The following NPLOC4 variants were observed in gnomAD, a reference collection of about 807,000 sequenced individuals.
The protein encoded by NPLOC4 is NPL4 homolog, ubiquitin recognition factor, also known as nuclear protein localization protein 4 homolog.
NPLOC4 carries 18 observed loss-of-function variants against 80.6 expected under a neutral mutation model. The observed-to-expected ratio is 0.22, with a 90% CI of 0.15 to 0.33. The LOEUF is 0.33. NPLOC4 is among the 10% of genes least tolerant of loss of function. The pLI is 1.00. For synonymous variants in NPLOC4, 313 were observed against 301.5 expected (o/e 1.04, Z -0.39); for missense variants, 540 against 786.1 (o/e 0.69, Z 3.74).
intron 11 of NPLOC4, among the ~76,000 whole-genome samples, chr17:81,594,276 A>AAAAAAAAC (rs2034832558): frequency 2.3e-5 from 1 of 44,170 alleles, no homozygotes; most frequent in Non-Finnish European, 5.9e-5. Flanking sequence ...CTCCGTCTCA[A>AAAAAAAAC]AAAAAAAAAA....
At chr17:81,636,810 G>T (rs974903081) in intron 1 of NPLOC4, 106 bp downstream of exon 1, 3 of 1,197,716 alleles carry the variant, frequency 2.5e-6, no homozygotes, top group African/African-American at 3.2e-5. Context: ...AGAAGAGAAA[G>T]GGGCCGAGTC....
At chr17:81,605,900 C>T (rs1234460641) in intron 7 of NPLOC4, among the ~76,000 whole-genome samples, 4 of 151,174 alleles carry the variant, frequency 2.6e-5, no homozygotes, top group Admixed American at 1.3e-4. Context: ...TGGCTCACTG[C>T]AACCTCTGCC....
At chr17:81,618,801 T>C (rs1226473287) in intron 3 of NPLOC4, among the ~76,000 whole-genome samples, 1 of 151,982 alleles carries the variant, frequency 6.6e-6, no homozygotes, top group Non-Finnish European at 1.5e-5. Flanking sequence ...AATCGGATGG[T>C]TGCTGTGTCT....
intron 3 of NPLOC4, chr17:81,614,523 GT>G (rs2144260787): frequency 6.6e-6 from 1 of 151,260 alleles, no homozygotes; most frequent in South Asian, 2.1e-4. Context: ...AGACGTCCCT[GT>G]GGTTTTCCTT....
rs1226231768 is a variant in NPLOC4, at chr17:81,557,204, G to A, written c.*2055C>T. ...TGGGGCTGAGACCTCCTTCCCACAA[G>A]AGGAGGTGGCTGAGCCTCCCAGGGC... On this transcript the variant is annotated 3_prime_UTR_variant, in exon 17 of 17. Coordinates refer to ENST00000331134, the MANE Select transcript of NPLOC4 (RefSeq NM_017921.4). The A allele has an allele frequency of 1.3e-5, 2 of 152,404 alleles. No individual in the cohort carries two copies. Among genetic ancestry groups the A allele is most frequent in the African/African-American group, 4.8e-5 (2 of 41,454 alleles). 9.4% of individuals were successfully genotyped at this position (152,404 alleles called of 1,614,324 possible). A position where few individuals can be genotyped will look rare whatever the true frequency, so the allele number is the denominator to read the frequency against.
rs1482525817 is a variant in NPLOC4, at chr17:81,589,111, G to C, written c.1121-7C>G. On this transcript the variant is annotated splice_region_variant and splice_polypyrimidine_tract_variant and intron_variant, in intron 11 of 16. Transcript: ENST00000331134. The stretch of plus-strand genomic sequence containing the variant: ...ACTTGGTTGTCAGGACCACCTGCAA[G>C]AGAGAGACCTTTAAAAAGAGTCTAC... The C allele has an allele frequency of 6.2e-7, 1 of 1,610,288 alleles. No homozygotes were observed. Among genetic ancestry groups the C allele is most frequent in the Non-Finnish European group, 8.5e-7 (1 of 1,177,868 alleles).
rs1358943285 is a variant in NPLOC4, at chr17:81,597,279, G to A, written c.959C>T (p.Thr320Ile). 2.4e-5 allele frequency: 39 copies of A among 1,613,416 alleles called. No homozygotes were observed. The highest frequency in any genetic ancestry group is 3.3e-5 in the Non-Finnish European group (39 of 1,179,560). Residue 320 changes from threonine (T) to isoleucine (I), a missense_variant, in exon 10 of 17, where the codon ACC (threonine) becomes ATC (isoleucine). This residue lies in a region of NPLOC4 where 251 missense variants were observed against 377.5 expected (regional missense o/e 0.66). Coordinates refer to ENST00000331134, the MANE Select transcript of NPLOC4 (RefSeq NM_017921.4). ...WIFTDLVSED[T>I]RKGTVRYSRN... ...ACTGTAGCGGACGGTACCCTTTCGG[G>A]TATCTTCTGAGACGAGGTCTGTAAA... is the stretch of plus-strand genomic sequence containing the variant.
At chr17:81,629,535 G>C (rs2035879760) in intron 2 of NPLOC4, among the ~76,000 whole-genome samples, 190 bp downstream of exon 2, 1 of 152,086 alleles carries the variant, frequency 6.6e-6, no homozygotes, top group South Asian at 2.1e-4. Flanking sequence ...CTATAATTTT[G>C]AGCAGTGATC....
chr17:81,571,297 G>A (rs899638367), intron 13 of NPLOC4, among the ~76,000 whole-genome samples: 5 of 152,198 alleles, frequency 3.3e-5, no homozygotes, highest in South Asian at 2.1e-4. Context: ...ACAGAGCTCC[G>A]GTGGGGCTGA....
chr17:81,601,061 TC>T (rs761042511), intron 8 of NPLOC4, among the ~76,000 whole-genome samples: 1 of 152,166 alleles, frequency 6.6e-6, no homozygotes, highest in Non-Finnish European at 1.5e-5. Flanking sequence ...TTCGACTGGC[TC>T]CCATGCAACT....
rs753779070 is a variant in NPLOC4 at position 81,598,587 on chromosome 17, C to G, written c.922-1271G>C. Among the ~76,000 whole-genome samples, 72 of 152,314 alleles carry G rather than the reference C, an allele frequency of 4.7e-4. No individual in the cohort carries two copies. In the Middle Eastern group the frequency reaches 0.014, roughly 29 times the overall value. ...CCACCTCAAGGCCGGAAGGAAGCAT[C>G]TGAGGGTATGAGGATCTGAAACCTG... On this transcript the variant is annotated intron_variant, in intron 9 of 16. Coordinates refer to ENST00000331134, the MANE Select transcript of NPLOC4 (RefSeq NM_017921.4).
intron 1 of NPLOC4, among the ~76,000 whole-genome samples, chr17:81,634,153 T>G (rs1328080644): frequency 2.0e-5 from 3 of 151,558 alleles, no homozygotes; most frequent in African/African-American, 7.3e-5. Flanking sequence ...ATTACAAACG[T>G]GAGCCACCAC....
intron 11 of NPLOC4, among the ~76,000 whole-genome samples, chr17:81,592,454 C>T (rs181370011): frequency 4.5e-4 from 68 of 152,264 alleles, no homozygotes; most frequent in African/African-American, 1.6e-3. Flanking sequence ...CACACAGACA[C>T]AAAGGGGCTG....
chr17:81,598,808 C>A (rs181453184), intron 9 of NPLOC4, among the ~76,000 whole-genome samples: 34 of 152,320 alleles, frequency 2.2e-4, no homozygotes, highest in Admixed American at 9.2e-4. Context: ...CTACCTGACA[C>A]ACAACTCTTC....
At chr17:81,587,607 G>A (rs1216174888) in intron 12 of NPLOC4, among the ~76,000 whole-genome samples, 2 of 129,958 alleles carry the variant, frequency 1.5e-5, no homozygotes, top group African/African-American at 3.0e-5. Flanking sequence ...GAGCCACTGC[G>A]CCCAGCTGAC....
intron 11 of NPLOC4, among the ~76,000 whole-genome samples, chr17:81,594,452 G>C (rs1195030219): frequency 6.6e-6 from 1 of 151,940 alleles, no homozygotes; most frequent in Non-Finnish European, 1.5e-5. Context: ...TGCAGGCTGG[G>C]CAACACAGCA....
chr17:81,595,522 A>G (rs1343440010), intron 11 of NPLOC4, among the ~76,000 whole-genome samples: 2 of 92,424 alleles, frequency 2.2e-5, no homozygotes, highest in East Asian at 4.0e-4. Context: ...ATACATATAC[A>G]TATATATATA....
At position 81,559,270 on chromosome 17, in the gene NPLOC4, G is replaced by A; in HGVS notation, c.1816C>T (p.Pro606Ser). 3 of 1,603,150 alleles carry A rather than the reference G, an allele frequency of 1.9e-6. No homozygotes were observed. Among genetic ancestry groups the A allele is most frequent in the Non-Finnish European group, 2.6e-6 (3 of 1,175,614 alleles). The change falls in exon 17 of 17, where the codon CCC (proline) becomes TCC (serine). Residue 606 changes from proline (P) to serine (S), a missense_variant. By Grantham distance (74) the Pro-to-Ser change is moderately conservative. Around this residue, in one of 6 missense-constraint regions of NPLOC4, gnomAD observed 87 missense variants for 70.3 expected, o/e 1.24. Coordinates refer to ENST00000331134, the MANE Select transcript of NPLOC4 (RefSeq NM_017921.4). Reference protein sequence around the residue: ...GTGHCEMCSLPRT With the variant: ...GTGHCEMCSLSRT ...AGAGGGCAGGCGCCCTAGGTCCTGGGGAGGCTGCACATCTCGCAGTGGCCT... is the reference window on the plus strand; with the variant it reads ...AGAGGGCAGGCGCCCTAGGTCCTGGAGAGGCTGCACATCTCGCAGTGGCCT...
rs1346476745 is a variant in NPLOC4, at chr17:81,559,239, G to C, written c.*20C>G. 5 of 1,587,694 alleles carry C rather than the reference G, an allele frequency of 3.1e-6. No individual in the cohort carries two copies. The highest frequency in any genetic ancestry group is 4.3e-6 in the Non-Finnish European group (5 of 1,168,384). On this transcript the variant is annotated 3_prime_UTR_variant, in exon 17 of 17. Coordinates refer to ENST00000331134, the MANE Select transcript of NPLOC4 (RefSeq NM_017921.4). Reference sequence around the variant, plus strand: ...AAGGGCTGGGCTGGGCCCGGTCCTAGCCAGCAGAGGGCAGGCGCCCTAGGT... The same window carrying C: ...AAGGGCTGGGCTGGGCCCGGTCCTACCCAGCAGAGGGCAGGCGCCCTAGGT...
Sources: gnomAD v4.1 joint callset for allele counts (sites outside exome capture counted in the v4.1 genomes callset) on GRCh38, gnomAD v4.1.1 for gene constraint, gnomAD v4.1.1 regional missense constraint, MANE v1.5 for transcripts, NCBI Gene and HGNC (gene_info 2026-07-23, HGNC 2026-07-21) for gene names.